Variants in PLD1 observed in about 807,000 individuals in gnomAD.
PLD1 encodes the protein choline phosphatase 1.
A neutral mutation model predicts 137.1 loss-of-function variants in PLD1; 112 were observed. The observed-to-expected ratio is 0.82, with a 90% CI of 0.70 to 0.96. The LOEUF (loss-of-function observed/expected upper bound fraction) is 0.96. Among genes scored for constraint, PLD1 ranks in the 40% least tolerant of loss-of-function variants. The pLI is 0.00. For missense variants in PLD1, 1,321 were observed against 1,342.0 expected (o/e 0.98, Z 0.24); for synonymous variants, 431 against 454.7 (o/e 0.95, Z 0.66).
intron 11 of PLD1, among the ~76,000 whole-genome samples, chr3:171,700,034 TTCTC>T (rs112036117): frequency 1.3e-5 from 2 of 148,706 alleles, no homozygotes; most frequent in South Asian, 2.1e-4. Flanking sequence ...TCTTAGTTCT[TTCTC>T]TCTCTCTCTC....
At chr3:171,718,501 G>A (rs899168419) in intron 8 of PLD1, among the ~76,000 whole-genome samples, 1 of 152,120 alleles carries the variant, frequency 6.6e-6, no homozygotes, top group Non-Finnish European at 1.5e-5. Flanking sequence ...ACCAAAACCT[G>A]GCAGAGACAC....
intron 12 of PLD1, among the ~76,000 whole-genome samples, chr3:171,693,034 C>T (rs1715349048): frequency 6.6e-6 from 1 of 152,124 alleles, no homozygotes; most frequent in Admixed American, 6.5e-5. Flanking sequence ...ATAAAATGGA[C>T]ACCCAAATTC....
chr3:171,742,009 C>T (rs542042846), intron 1 of PLD1, among the ~76,000 whole-genome samples: 11,714 of 152,192 alleles, frequency 0.077, 623 homozygotes, highest in Middle Eastern at 0.17. Flanking sequence ...ATTTAATCTT[C>T]ACAATAACTT....
chr3:171,706,675 G>A lies in PLD1; in HGVS notation c.1145+2080C>T, dbSNP rs1230963476. ...GATAACCCCACTCTCTCAGATCTAC[G>A]CATACTAGTGTTTGGTTAAGTTTCT... On this transcript the variant is annotated intron_variant, in intron 11 of 26. Coordinates refer to ENST00000351298, the MANE Select transcript of PLD1 (RefSeq NM_002662.5). 3.3e-5 allele frequency among the ~76,000 whole-genome samples: 5 copies of A among 152,120 alleles called. No homozygotes were observed. In the Middle Eastern group the frequency reaches 0.014, roughly 414 times the overall value.
chr3:171,644,609 C>G (rs766069301), intron 22 of PLD1, among the ~76,000 whole-genome samples: 1 of 152,102 alleles, frequency 6.6e-6, no homozygotes, highest in Non-Finnish European at 1.5e-5. Context: ...TAGCTATTTA[C>G]CCACTTAAAG....
rs573885840 is a variant in PLD1, at chr3:171,637,236, CTTTCT to C, written c.2593+5599_2593+5603del. 4.8e-3 allele frequency among the ~76,000 whole-genome samples: 724 copies of C among 152,104 alleles called. 3 individuals carry two copies. Among genetic ancestry groups the C allele is most frequent in the Non-Finnish European group, 8.1e-3 (549 of 67,988 alleles). On this transcript the variant is annotated intron_variant, in intron 23 of 26. Transcript: ENST00000351298. Reference sequence around the variant, plus strand: ...GAATATTGATCTGATTGATCTGTGGCTTTCTTTTCTTTTCTTTTGAGACGGAGTCT... The same window carrying C: ...GAATATTGATCTGATTGATCTGTGGCTTTCTTTTCTTTTGAGACGGAGTCT...
At chr3:171,796,614 G>C (rs1723448720) in intron 1 of PLD1, among the ~76,000 whole-genome samples, 1 of 152,178 alleles carries the variant, frequency 6.6e-6, no homozygotes, top group South Asian at 2.1e-4. Context: ...ACCTTTAAGA[G>C]TATCTAGTCC....
intron 1 of PLD1, among the ~76,000 whole-genome samples, chr3:171,759,048 C>A (rs1311254180): frequency 6.6e-6 from 1 of 152,166 alleles, no homozygotes. Context: ...CCTTCACAAT[C>A]CAGCAGTTGC....
intron 1 of PLD1, among the ~76,000 whole-genome samples, chr3:171,778,399 T>C (rs879252108): frequency 6.6e-6 from 1 of 152,084 alleles, no homozygotes; most frequent in Non-Finnish European, 1.5e-5. Flanking sequence ...AAAACAAATA[T>C]ATATAAAGCC....
At chr3:171,687,671 G>A in intron 14 of PLD1, 87 bp from the exon 15 acceptor site, 1 of 810,120 alleles carries the variant, frequency 1.2e-6, no homozygotes, top group Non-Finnish European at 2.0e-6. Context: ...GAAGTATAAA[G>A]TTTACAAATG....
chr3:171,736,194 G>A (rs953625030), intron 3 of PLD1, among the ~76,000 whole-genome samples: 2 of 151,954 alleles, frequency 1.3e-5, no homozygotes, highest in African/African-American at 4.8e-5. Context: ...GGGGTGGGTG[G>A]AAAAAGTGAC....
intron 1 of PLD1, among the ~76,000 whole-genome samples, chr3:171,767,073 G>C (rs763972972): frequency 9.2e-5 from 14 of 152,098 alleles, no homozygotes; most frequent in Non-Finnish European, 1.8e-4. Context: ...AAGTCATACT[G>C]GGCAGAAATA....
At chr3:171,725,859 T>G in intron 7 of PLD1, 159 bp downstream of exon 7, 2 of 615,374 alleles carry the variant, frequency 3.3e-6, no homozygotes, top group South Asian at 3.9e-5. Flanking sequence ...GGAGATGCTC[T>G]GATTTGTATG....
At chr3:171,720,342 T>C (rs948953235) in intron 8 of PLD1, among the ~76,000 whole-genome samples, 2 of 143,292 alleles carry the variant, frequency 1.4e-5, no homozygotes, top group Non-Finnish European at 3.0e-5. Flanking sequence ...ACGCTTGTAA[T>C]CCCAACACTT....
chr3:171,611,674 A>T (rs773296721), intron 25 of PLD1: 3 of 518,202 alleles, frequency 5.8e-6, no homozygotes, highest in Non-Finnish European at 1.2e-5. Flanking sequence ...TTACACCAGC[A>T]GTCACTGGCA....
chr3:171,626,477 A>G (rs897087788), intron 23 of PLD1, among the ~76,000 whole-genome samples: 2 of 152,198 alleles, frequency 1.3e-5, no homozygotes, highest in East Asian at 1.9e-4. Flanking sequence ...GCAGGCCAAC[A>G]TTCAGATTCA....
In PLD1 at chr3:171,674,590, G is replaced by C. The variant is rs757470311; in HGVS notation, c.2139C>G (p.Ser713=). ...TTGGAAGCAGAAAAGGATAAGAAAG[G>C]GACCGATATTTTGATTTCATAATCT... ...FTKIMKSKYR[S]LSYPFLLPKS... is the part of the protein sequence containing the mutation. Residue 713 remains serine (S), a synonymous_variant, in exon 19 of 27, where the codon TCC becomes TCG. Transcript: ENST00000351298. 2 of 1,590,496 alleles carry C rather than the reference G, an allele frequency of 1.3e-6. No homozygotes were observed. The highest frequency in any genetic ancestry group is 4.5e-5 in the East Asian group (2 of 44,688).
At chr3:171,690,527 AT>A (rs1371365169) in intron 13 of PLD1, among the ~76,000 whole-genome samples, 1 of 151,620 alleles carries the variant, frequency 6.6e-6, no homozygotes, top group Admixed American at 6.6e-5. Flanking sequence ...GTGTCCCATA[AT>A]TTTGGTATGT....
At chr3:171,647,659 G>C (rs189401768) in intron 21 of PLD1, among the ~76,000 whole-genome samples, 2 of 152,198 alleles carry the variant, frequency 1.3e-5, no homozygotes, top group African/African-American at 4.8e-5. Flanking sequence ...ATGTTGGTCA[G>C]GCTGGTCTCG....
Sources: allele counts gnomAD v4.1 joint callset (sites outside exome capture counted in the v4.1 genomes callset), GRCh38; gene constraint gnomAD v4.1.1; transcripts MANE v1.5; gene names NCBI Gene and HGNC (gene_info 2026-07-23, HGNC 2026-07-21).